PHF21B: variants seen among roughly 807,000 people sequenced by gnomAD.
PHF21B encodes the protein PHD finger protein 21B, also known as PHD finger protein 4.
Under a neutral mutation model 62.2 loss-of-function variants are expected in PHF21B, and 22 were observed. That is an observed-to-expected ratio of 0.35 (90% CI 0.25 to 0.51). The LOEUF (loss-of-function observed/expected upper bound fraction) is 0.51. PHF21B is among the 20% of genes least tolerant of loss of function. The probability of loss-of-function intolerance (pLI) is 0.97; values close to 1 mark genes in which losing one functional copy is unlikely to be tolerated. For synonymous variants in PHF21B, 341 were observed against 314.7 expected (o/e 1.08, Z -0.88); for missense variants, 701 against 707.9 (o/e 0.99, Z 0.11).
intron 2 of PHF21B, among the ~76,000 whole-genome samples, chr22:44,961,891 AATAAGT>A (rs1282390151): frequency 2.7e-5 from 4 of 146,916 alleles, no homozygotes; most frequent in Admixed American, 6.9e-5. Flanking sequence ...TAAATAAATA[AATAAGT>A]ATAATGACCT....
chr22:44,908,098 A>G (rs2072939613), intron 5 of PHF21B, among the ~76,000 whole-genome samples: 1 of 152,206 alleles, frequency 6.6e-6, no homozygotes, highest in African/African-American at 2.4e-5. Flanking sequence ...CCTCTTCACG[A>G]CTGAGCGGTT....
chr22:44,945,665 C>T lies in PHF21B; in HGVS notation c.121-25175G>A, dbSNP rs918136801. 9.9e-5 allele frequency among the ~76,000 whole-genome samples: 15 copies of T among 151,782 alleles called. 1 individual carries two copies. Among genetic ancestry groups the T allele is most frequent in the Admixed American group, 6.6e-5 (1 of 15,250 alleles). ...AGGGAGTGATAGGGAACCCCAGGAA[C>T]GCCATCTTCCAGCACCTGACCAGTC... On this transcript the variant is annotated intron_variant, in intron 2 of 12. Coordinates refer to ENST00000313237, the MANE Select transcript of PHF21B (RefSeq NM_138415.5).
intron 2 of PHF21B, chr22:44,971,388 A>T (rs1278365858): frequency 3.3e-5 from 5 of 152,136 alleles, no homozygotes; most frequent in Non-Finnish European, 1.5e-5. Context: ...AGCCCTCCTC[A>T]GGGCCATTCG....
chr22:44,920,349 G>A, intron 3 of PHF21B, 49 bp downstream of exon 3: 1 of 1,478,168 alleles, frequency 6.8e-7, no homozygotes, highest in Non-Finnish European at 9.2e-7. Context: ...AACAGAGACT[G>A]CGGGGACAGA....
chr22:44,916,454 G>A lies in PHF21B; in HGVS notation c.390C>T (p.Pro130=), dbSNP rs761468423. 6.2e-7 allele frequency: 1 copy of A among 1,603,202 alleles called. No individual in the cohort carries two copies. The highest frequency in any genetic ancestry group is 2.2e-5 in the East Asian group (1 of 44,806). The change falls in exon 4 of 13, where the codon CCC becomes CCT. Residue 130 remains proline (P), a synonymous_variant. Coordinates refer to ENST00000313237, the MANE Select transcript of PHF21B (RefSeq NM_138415.5). ...GGGCGGCGGGCTCGGCGAGGGCCTG[G>A]GGCTGGCTGCCGGGCGCTGGCACAT... ...VSHVPAPGSQ[P]QALAEPAALA...
chr22:44,977,723 T>G (rs1030223854), intron 2 of PHF21B, among the ~76,000 whole-genome samples: 23 of 151,060 alleles, frequency 1.5e-4, no homozygotes, highest in South Asian at 1.3e-3. Flanking sequence ...GGGCTACAGG[T>G]GCATGCCACC....
chr22:44,928,416 G>A (rs951604159), intron 2 of PHF21B, among the ~76,000 whole-genome samples: 2 of 152,164 alleles, frequency 1.3e-5, no homozygotes, highest in South Asian at 4.2e-4. Flanking sequence ...CCCATGAAAG[G>A]AACTTTTTTT....
chr22:44,940,222 C>T (rs560528663), intron 2 of PHF21B, among the ~76,000 whole-genome samples: 49 of 152,332 alleles, frequency 3.2e-4, no homozygotes, highest in African/African-American at 1.1e-3. Context: ...AACCTGCCTC[C>T]GGGCAAGCCT....
intron 2 of PHF21B, among the ~76,000 whole-genome samples, chr22:44,951,026 C>T (rs762000288): frequency 1.3e-5 from 2 of 152,108 alleles, no homozygotes; most frequent in African/African-American, 4.8e-5. Flanking sequence ...TAAAGCCTGC[C>T]GCCAGACGCA....
At chr22:44,953,519 C>T (rs2072234782) in intron 2 of PHF21B, among the ~76,000 whole-genome samples, 1 of 152,118 alleles carries the variant, frequency 6.6e-6, no homozygotes, top group Non-Finnish European at 1.5e-5. Flanking sequence ...ACCATCTCTG[C>T]TTGCAGCCCC....
chr22:44,949,494 C>T (rs1204989163), intron 2 of PHF21B, among the ~76,000 whole-genome samples: 2 of 152,046 alleles, frequency 1.3e-5, no homozygotes, highest in Admixed American at 6.6e-5. Context: ...CTTTATCTGC[C>T]GACTTGAACA....
At chr22:45,003,770 G>A (rs2073262269) in intron 2 of PHF21B, among the ~76,000 whole-genome samples, 2 of 152,196 alleles carry the variant, frequency 1.3e-5, no homozygotes, top group Non-Finnish European at 2.9e-5. Flanking sequence ...ATGAACGGTT[G>A]GACAGAATGA....
Position 45,009,298 on chromosome 22 carries a change from A to G in PHF21B, c.54+198T>C, listed in dbSNP as rs897722509. The G allele has an allele frequency of 1.6e-6, 1 of 612,160 alleles. No individual in the cohort carries two copies. Among genetic ancestry groups the G allele is most frequent in the Admixed American group, 3.4e-5 (1 of 29,502 alleles). The allele number at this position is 612,160 out of a possible 1,614,324, so 37.9% of individuals were successfully genotyped here. A position where few individuals can be genotyped will look rare whatever the true frequency, so the allele number is the denominator to read the frequency against. ...GCGTCCTCGATCCCGCAAACTGTGCAGGACAGCGCCAGGGGCAGGCGGAGG... is the reference window on the plus strand; with the variant it reads ...GCGTCCTCGATCCCGCAAACTGTGCGGGACAGCGCCAGGGGCAGGCGGAGG... On this transcript the variant is annotated intron_variant, in intron 1 of 12. Transcript: ENST00000313237. The surrounding 1 kb of genome is among the most constrained non-coding windows in gnomAD (Gnocchi z 5.9).
chr22:44,975,286 C>A (rs1032955607), intron 2 of PHF21B, among the ~76,000 whole-genome samples: 2 of 152,204 alleles, frequency 1.3e-5, no homozygotes, highest in African/African-American at 2.4e-5. Flanking sequence ...CAAGGAGTGA[C>A]CAGCACCTGC....
intron 2 of PHF21B, among the ~76,000 whole-genome samples, chr22:45,005,531 T>A (rs146924436): frequency 3.7e-4 from 57 of 152,294 alleles, no homozygotes; most frequent in Admixed American, 8.5e-4. Flanking sequence ...CCACTATGAG[T>A]CCTTTAAACA....
chr22:44,957,854 C>T (rs951582486), intron 2 of PHF21B, among the ~76,000 whole-genome samples: 2 of 151,970 alleles, frequency 1.3e-5, no homozygotes, highest in African/African-American at 4.8e-5. Flanking sequence ...CCGTTCAGGC[C>T]TTGTGTGTCT....
intron 2 of PHF21B, among the ~76,000 whole-genome samples, chr22:44,993,126 G>A (rs1222842833): frequency 1.3e-5 from 2 of 152,186 alleles, no homozygotes; most frequent in African/African-American, 4.8e-5. Context: ...ACATCCATGT[G>A]CGGCATCTCA....
intron 5 of PHF21B, among the ~76,000 whole-genome samples, chr22:44,909,732 T>C (rs901694609): frequency 2.0e-5 from 3 of 152,220 alleles, no homozygotes; most frequent in Non-Finnish European, 4.4e-5. Context: ...TCGTGTGCTA[T>C]TGCCTATGCA....
chr22:44,883,214 G>T lies in PHF21B; in HGVS notation c.1468C>A (p.Gln490Lys). The change falls in exon 13 of 13, where the codon CAG (glutamine) becomes AAG (lysine). Residue 490 changes from glutamine (Q) to lysine (K), a missense_variant. Coordinates refer to ENST00000313237, the MANE Select transcript of PHF21B (RefSeq NM_138415.5). ...GTGACCTGGAGCAGCTGCTCGCCCT[G>T]TATCAGTCTCAGGAGGGCCCGCAGG... Reference protein sequence around the residue: ...DRLRALLRLIQGEQLLQVTMT... With the variant: ...DRLRALLRLIKGEQLLQVTMT... 2 of 1,613,870 alleles carry T rather than the reference G, an allele frequency of 1.2e-6. No homozygotes were observed. Among genetic ancestry groups the T allele is most frequent in the Non-Finnish European group, 1.7e-6 (2 of 1,180,006 alleles).
Sources: gnomAD v4.1 joint callset for allele counts (sites outside exome capture counted in the v4.1 genomes callset) on GRCh38, gnomAD v4.1.1 for gene constraint, Gnocchi (gnomAD v3.1) non-coding constraint, MANE v1.5 for transcripts, NCBI Gene and HGNC (gene_info 2026-07-23, HGNC 2026-07-21) for gene names.